KRTAP5-10: variants seen among roughly 807,000 people sequenced by gnomAD.
The protein encoded by KRTAP5-10 is keratin-associated protein 5-10.
KRTAP5-10 carries 1 observed loss-of-function variant against 1.6 expected under a neutral mutation model. The ratio of observed to expected loss-of-function variants is 0.64; its 90% CI spans 0.23 to 3.04. The LOEUF (loss-of-function observed/expected upper bound fraction) is 3.04. Ranked by LOEUF, KRTAP5-10 falls within the 30% of genes most tolerant of loss-of-function variation. The probability of loss-of-function intolerance (pLI) is 0.21; values close to 1 mark genes in which losing one functional copy is unlikely to be tolerated. For missense variants in KRTAP5-10, 219 were observed against 255.2 expected (o/e 0.86, Z 0.97); for synonymous variants, 76 against 102.0 (o/e 0.75, Z 1.54).
Position 71,566,562 on chromosome 11 carries a change from A to G in KRTAP5-10, c.*366A>G. 3.2e-6 allele frequency: 1 copy of G among 313,660 alleles called. No homozygotes were observed. Among genetic ancestry groups the G allele is most frequent in the South Asian group, 5.0e-5 (1 of 20,018 alleles). The allele number at this position is 313,660 out of a possible 1,614,324, so 19.4% of individuals were successfully genotyped here. A position where few individuals can be genotyped will look rare whatever the true frequency, so the allele number is the denominator to read the frequency against. The stretch of plus-strand genomic sequence containing the variant: ...TGTTGCTCAGTGATCACTAAGAACC[A>G]GCTTCTCAACCACCATTGGGACCCT... On this transcript the variant is annotated 3_prime_UTR_variant, in exon 1 of 1. Coordinates refer to ENST00000398531, the MANE Select transcript of KRTAP5-10 (RefSeq NM_001012710.2).
rs1309388855 is a variant in KRTAP5-10, at chr11:71,566,358, C to T, written c.*162C>T. 2 of 1,143,932 alleles carry T rather than the reference C, an allele frequency of 1.7e-6. No homozygotes were observed. The highest frequency in any genetic ancestry group is 2.4e-5 in the Admixed American group (1 of 40,854). The allele number at this position is 1,143,932 out of a possible 1,614,324, so 70.9% of individuals were successfully genotyped here. A position where few individuals can be genotyped will look rare whatever the true frequency, so the allele number is the denominator to read the frequency against. On this transcript the variant is annotated 3_prime_UTR_variant, in exon 1 of 1. Coordinates refer to ENST00000398531, the MANE Select transcript of KRTAP5-10 (RefSeq NM_001012710.2). ...TTCCATGGCTCAGCTCTCCACTGGG[C>T]CCTGCCTTCAGCCTCCTCACTCCGG... is the stretch of plus-strand genomic sequence containing the variant.
chr11:71,565,759 G>A lies in KRTAP5-10; in HGVS notation c.172G>A (p.Ala58Thr). 1.2e-6 allele frequency: 2 copies of A among 1,601,734 alleles called. No individual in the cohort carries two copies. The highest frequency in any genetic ancestry group is 1.7e-6 in the Non-Finnish European group (2 of 1,175,440). The change falls in exon 1 of 1, where the codon GCC (alanine) becomes ACC (threonine). Residue 58 changes from alanine (A) to threonine (T), a missense_variant. Coordinates refer to ENST00000398531, the MANE Select transcript of KRTAP5-10 (RefSeq NM_001012710.2). ...CAAGCCCGTGTGCTGCTGTGTGCCA[G>A]CCTGTTCCTGCTCCAGCTGTGGCTC... ...CCKPVCCCVP[A>T]CSCSSCGSCG...
rs1950193193 is a variant in KRTAP5-10 at position 71,566,632 on chromosome 11, G to A, written c.*436G>A. 2 of 203,784 alleles carry A rather than the reference G, an allele frequency of 9.8e-6. No homozygotes were observed. The highest frequency in any genetic ancestry group is 2.3e-5 in the African/African-American group (1 of 43,082). 12.6% of individuals were successfully genotyped at this position (203,784 alleles called of 1,614,324 possible). A position where few individuals can be genotyped will look rare whatever the true frequency, so the allele number is the denominator to read the frequency against. On this transcript the variant is annotated 3_prime_UTR_variant, in exon 1 of 1. Transcript: ENST00000398531. The stretch of plus-strand genomic sequence containing the variant: ...GCTGCCTGTTCTCCAGTGGCCACCT[G>A]TGACCAGGAAGGTCTCCTTCCTTCC...
Position 71,566,182 on chromosome 11 carries a change from CA to C in KRTAP5-10, c.596del (p.Gln199ArgfsTer18), listed in dbSNP as rs762817555. ...CAGCTGCTGTGTCCCCGTGTGCTGC[CA>C]GTGTAAGATCTGAGGCTCTGAACCC... ...QSSCCVPVCC[Q>X]CKI On this transcript the variant is annotated frameshift_variant, in exon 1 of 1. Coordinates refer to ENST00000398531, the MANE Select transcript of KRTAP5-10 (RefSeq NM_001012710.2). LOFTEE classifies it high-confidence loss of function. 35 of 1,614,072 alleles carry C rather than the reference CA, an allele frequency of 2.2e-5. No individual in the cohort carries two copies. Among genetic ancestry groups the C allele is most frequent in the Non-Finnish European group, 2.0e-5 (24 of 1,180,030 alleles).
Position 71,565,943 on chromosome 11 carries a change from G to T in KRTAP5-10, c.356G>T (p.Gly119Val), listed in dbSNP as rs761472889. 2 of 1,526,382 alleles carry T rather than the reference G, an allele frequency of 1.3e-6. No individual in the cohort carries two copies. The highest frequency in any genetic ancestry group is 1.8e-5 in the Admixed American group (1 of 54,182). 94.6% of individuals were successfully genotyped at this position (1,526,382 alleles called of 1,614,324 possible). Residue 119 changes from glycine (G) to valine (V), a missense_variant, in exon 1 of 1, where the codon GGC becomes GTC. Gly to Val is a moderately radical substitution (Grantham distance 109). Transcript: ENST00000398531. ...GSKGGCGSCGGSKGGCGSCGG... is the reference protein window; with the variant it reads ...GSKGGCGSCGVSKGGCGSCGG... ...AAGGGGGGCTGTGGCTCCTGTGGGG[G>T]CTCCAAAGGTGGCTGTGGTTCCTGT...
Position 71,565,808 on chromosome 11 carries a change from G to T in KRTAP5-10, c.221G>T (p.Cys74Phe), listed in dbSNP as rs1950185883. The change falls in exon 1 of 1, where the codon TGT becomes TTT. Residue 74 changes from cysteine (C) to phenylalanine (F), a missense_variant. Physicochemically the swap from Cys to Phe is radical, Grantham distance 205. Around this residue, in one of 3 missense-constraint regions of KRTAP5-10, gnomAD observed 92 missense variants for 108.8 expected, o/e 0.85. Coordinates refer to ENST00000398531, the MANE Select transcript of KRTAP5-10 (RefSeq NM_001012710.2). ...CGSCGGSKGD[C>F]GSCGGSKGGC... is the part of the protein sequence containing the mutation. ...TCCTGTGGGGGCTCCAAGGGGGACTGTGGCTCTTGTGGGGGCTCCAAAGGG... is the reference window on the plus strand; with the variant it reads ...TCCTGTGGGGGCTCCAAGGGGGACTTTGGCTCTTGTGGGGGCTCCAAAGGG... 6.5e-7 allele frequency: 1 copy of T among 1,539,484 alleles called. No homozygotes were observed. The highest frequency in any genetic ancestry group is 8.8e-7 in the Non-Finnish European group (1 of 1,134,044).
chr11:71,565,901 G>A lies in KRTAP5-10; in HGVS notation c.314G>A (p.Gly105Asp). 1.4e-6 allele frequency: 2 copies of A among 1,383,122 alleles called. No individual in the cohort carries two copies. Among genetic ancestry groups the A allele is most frequent in the Non-Finnish European group, 1.9e-6 (2 of 1,030,104 alleles). The allele number at this position is 1,383,122 out of a possible 1,614,324, so 85.7% of individuals were successfully genotyped here. Reference sequence around the variant, plus strand: ...TGTGGGGGCTCCAAGGGGGGCTGTGGTTCTTGTGGGGGCTCCAAGGGGGGC... The same window carrying A: ...TGTGGGGGCTCCAAGGGGGGCTGTGATTCTTGTGGGGGCTCCAAGGGGGGC... The part of the protein sequence containing the change: ...GSCGGSKGGC[G>D]SCGGSKGGCG... The change falls in exon 1 of 1, where the codon GGT becomes GAT. Residue 105 changes from glycine (G) to aspartate (D), a missense_variant. By Grantham distance (94) the Gly-to-Asp change is moderately conservative (BLOSUM62 -1). Coordinates refer to ENST00000398531, the MANE Select transcript of KRTAP5-10 (RefSeq NM_001012710.2).
chr11:71,566,404 C>T lies in KRTAP5-10; in HGVS notation c.*208C>T. On this transcript the variant is annotated 3_prime_UTR_variant, in exon 1 of 1. Transcript: ENST00000398531. Reference sequence around the variant, plus strand: ...TCCGGAAATGCATGTTTCCTTGATGCAGGAGGTGGCCTTGCCTGGACGCGG... The same window carrying T: ...TCCGGAAATGCATGTTTCCTTGATGTAGGAGGTGGCCTTGCCTGGACGCGG... 1.2e-6 allele frequency: 1 copy of T among 844,520 alleles called. No individual in the cohort carries two copies. 52.3% of individuals were successfully genotyped at this position (844,520 alleles called of 1,614,324 possible). A position where few individuals can be genotyped will look rare whatever the true frequency, so the allele number is the denominator to read the frequency against.
Position 71,566,038 on chromosome 11 carries a change from T to C in KRTAP5-10, c.451T>C (p.Ser151Pro), listed in dbSNP as rs1950189351. 7 of 1,613,654 alleles carry C rather than the reference T, an allele frequency of 4.3e-6. No homozygotes were observed. In the African/African-American group the frequency reaches 8.0e-5, roughly 18 times the overall value. Residue 151 changes from serine (S) to proline (P), a missense_variant, in exon 1 of 1, where the codon TCC (serine) becomes CCC (proline). Transcript: ENST00000398531. ...CAATTGCTGTAAGCCCTGCTGCTGC[T>C]CCTCAGGCTGTGGATCCTGCTGCCA... ...QCNCCKPCCC[S>P]SGCGSCCQSS...
Position 71,566,205 on chromosome 11 carries a change from A to T in KRTAP5-10, c.*9A>T. ...GCCAGTGTAAGATCTGAGGCTCTGA[A>T]CCCAGACCTTCAGGTTTCACCTGTT... On this transcript the variant is annotated 3_prime_UTR_variant, in exon 1 of 1. Transcript: ENST00000398531. The T allele has an allele frequency of 6.2e-7, 1 of 1,614,046 alleles. No homozygotes were observed. The highest frequency in any genetic ancestry group is 1.3e-5 in the African/African-American group (1 of 75,026).
rs764138089 is a variant in KRTAP5-10 at position 71,566,225 on chromosome 11, C to T, written c.*29C>T. 8.3e-5 allele frequency: 134 copies of T among 1,613,290 alleles called. No homozygotes were observed. In the East Asian group the frequency reaches 3.0e-3, roughly 36 times the overall value. On this transcript the variant is annotated 3_prime_UTR_variant, in exon 1 of 1. Coordinates refer to ENST00000398531, the MANE Select transcript of KRTAP5-10 (RefSeq NM_001012710.2). ...TCTGAACCCAGACCTTCAGGTTTCA[C>T]CTGTTTGGTGAAAGCATTTGTTATG...
In KRTAP5-10 at chr11:71,566,222, T is replaced by A. The variant is rs1262393908; in HGVS notation, c.*26T>A. 6.2e-7 allele frequency: 1 copy of A among 1,613,518 alleles called. No homozygotes were observed. The highest frequency in any genetic ancestry group is 1.3e-5 in the African/African-American group (1 of 75,042). On this transcript the variant is annotated 3_prime_UTR_variant, in exon 1 of 1. Coordinates refer to ENST00000398531, the MANE Select transcript of KRTAP5-10 (RefSeq NM_001012710.2). Reference sequence around the variant, plus strand: ...GGCTCTGAACCCAGACCTTCAGGTTTCACCTGTTTGGTGAAAGCATTTGTT... The same window carrying A: ...GGCTCTGAACCCAGACCTTCAGGTTACACCTGTTTGGTGAAAGCATTTGTT...
At position 71,565,624 on chromosome 11, in the gene KRTAP5-10, G is replaced by GGCTGTGGGGGCTGTGGCTCCT. The variant is rs773154725; in HGVS notation, c.47_48insCTGTGGCTCCTGCTGTGGGGG (p.Ser19_Gly20insCysCysGlyGlyCysGlySer). The GGCTGTGGGGGCTGTGGCTCCT allele has an allele frequency of 3.9e-6, 6 of 1,548,856 alleles. No individual in the cohort carries two copies. In the South Asian group the frequency reaches 4.6e-5, roughly 12 times the overall value. On this transcript the variant is annotated inframe_insertion, in exon 1 of 1. Transcript: ENST00000398531. ...TGGCTGCTCCGGAGGCTGTGGCTCC[G>GGCTGTGGGGGCTGTGGCTCCT]GCTGTGGGGGTTGTGGCTCCGGCTG...
rs1478949461 is a variant in KRTAP5-10 at position 71,565,690 on chromosome 11, T to C, written c.103T>C (p.Cys35Arg). The C allele has an allele frequency of 2.5e-6, 4 of 1,605,692 alleles. No homozygotes were observed. Among genetic ancestry groups the C allele is most frequent in the Admixed American group, 1.7e-5 (1 of 59,368 alleles). The change falls in exon 1 of 1, where the codon TGT becomes CGT. Residue 35 changes from cysteine to arginine, a missense_variant. Transcript: ENST00000398531. Reference protein sequence around the residue: ...GSGCGGYGSGCGGCGSSCCVP... With the variant: ...GSGCGGYGSGRGGCGSSCCVP... ...CGGCTGTGGGGGCTATGGCTCTGGC[T>C]GTGGGGGCTGTGGCTCCAGCTGCTG... is the stretch of plus-strand genomic sequence containing the variant.
chr11:71,566,173 G>A lies in KRTAP5-10; in HGVS notation c.586G>A (p.Val196Met), dbSNP rs777978188. The change falls in exon 1 of 1, where the codon GTG (valine) becomes ATG (methionine). Residue 196 changes from valine (V) to methionine (M), a missense_variant. Physicochemically the swap from Val to Met is conservative, Grantham distance 21. Coordinates refer to ENST00000398531, the MANE Select transcript of KRTAP5-10 (RefSeq NM_001012710.2). ...CTGTCAGTCCAGCTGCTGTGTCCCC[G>A]TGTGCTGCCAGTGTAAGATCTGAGG... ...CCCQSSCCVPVCCQCKI is the reference protein window; with the variant it reads ...CCCQSSCCVPMCCQCKI 17 of 1,614,004 alleles carry A rather than the reference G, an allele frequency of 1.1e-5. No individual in the cohort carries two copies. The highest frequency in any genetic ancestry group is 4.5e-5 in the East Asian group (2 of 44,896).
At position 71,565,702 on chromosome 11, in the gene KRTAP5-10, G is replaced by A. The variant is rs1407283312; in HGVS notation, c.115G>A (p.Gly39Ser). 5.6e-6 allele frequency: 9 copies of A among 1,610,520 alleles called. No individual in the cohort carries two copies. The South Asian group carries it at 9.9e-5, about 18-fold the overall frequency. ...GGYGSGCGGCGSSCCVPVCCC... is the reference protein window; with the variant it reads ...GGYGSGCGGCSSSCCVPVCCC... ...CTATGGCTCTGGCTGTGGGGGCTGT[G>A]GCTCCAGCTGCTGTGTGCCCGTCTG... Residue 39 changes from glycine (G) to serine (S), a missense_variant, in exon 1 of 1, where the codon GGC becomes AGC. Coordinates refer to ENST00000398531, the MANE Select transcript of KRTAP5-10 (RefSeq NM_001012710.2).
Position 71,566,490 on chromosome 11 carries a change from C to T in KRTAP5-10, c.*294C>T, listed in dbSNP as rs995290663. On this transcript the variant is annotated 3_prime_UTR_variant, in exon 1 of 1. Coordinates refer to ENST00000398531, the MANE Select transcript of KRTAP5-10 (RefSeq NM_001012710.2). Reference sequence around the variant, plus strand: ...GGGTGTGGACCATCTTCTTCTTCTCCCTCGGCTGACTGAGATGCAAGGTCT... The same window carrying T: ...GGGTGTGGACCATCTTCTTCTTCTCTCTCGGCTGACTGAGATGCAAGGTCT... The T allele has an allele frequency of 7.7e-6, 4 of 517,572 alleles. No individual in the cohort carries two copies. Among genetic ancestry groups the T allele is most frequent in the Non-Finnish European group, 1.4e-5 (4 of 279,000 alleles). 32.1% of individuals were successfully genotyped at this position (517,572 alleles called of 1,614,324 possible). A position where few individuals can be genotyped will look rare whatever the true frequency, so the allele number is the denominator to read the frequency against.
Position 71,566,249 on chromosome 11 carries a change from T to A in KRTAP5-10, c.*53T>A. 2.5e-6 allele frequency: 4 copies of A among 1,608,736 alleles called. No individual in the cohort carries two copies. Among genetic ancestry groups the A allele is most frequent in the Middle Eastern group, 1.7e-4 (1 of 6,040 alleles). ...ACCTGTTTGGTGAAAGCATTTGTTATGATTTCCCTGAATTAATTCATCCCA... is the reference window on the plus strand; with the variant it reads ...ACCTGTTTGGTGAAAGCATTTGTTAAGATTTCCCTGAATTAATTCATCCCA... On this transcript the variant is annotated 3_prime_UTR_variant, in exon 1 of 1. Coordinates refer to ENST00000398531, the MANE Select transcript of KRTAP5-10 (RefSeq NM_001012710.2).
Position 71,566,548 on chromosome 11 carries a change from G to T in KRTAP5-10, c.*352G>T, listed in dbSNP as rs1412467296. On this transcript the variant is annotated 3_prime_UTR_variant, in exon 1 of 1. Transcript: ENST00000398531. ...CAAGGCCAGGCCAATGTTGCTCAGT[G>T]ATCACTAAGAACCAGCTTCTCAACC... The T allele has an allele frequency of 2.4e-5, 9 of 382,406 alleles. No individual in the cohort carries two copies. The East Asian group carries it at 4.5e-4, about 19-fold the overall frequency. 23.7% of individuals were successfully genotyped at this position (382,406 alleles called of 1,614,324 possible).
Sources: allele counts gnomAD v4.1 joint callset, GRCh38; gene constraint gnomAD v4.1.1; regional missense constraint gnomAD v4.1.1; transcripts MANE v1.5; gene names NCBI Gene and HGNC (gene_info 2026-07-23, HGNC 2026-07-21).